The following MID1 variants were observed in gnomAD, a reference collection of about 807,000 sequenced individuals.
MID1 encodes the protein midline 1, also known as E3 ubiquitin-protein ligase Midline-1.
A neutral mutation model predicts 40.4 loss-of-function variants in MID1; 7 were observed. That is an observed-to-expected ratio of 0.17 (90% CI 0.10 to 0.33). MID1 has a LOEUF of 0.33. MID1 is among the 10% of genes least tolerant of loss of function. MID1 has a pLI of 1.00. For missense variants in MID1, 367 were observed against 558.5 expected (o/e 0.66, Z 3.46); for synonymous variants, 229 against 221.2 (o/e 1.04, Z -0.31).
At chrX:10,490,276 A>G (rs1457326229) in intron 4 of MID1, among the ~76,000 whole-genome samples, 2 of 112,117 alleles carry the variant, frequency 1.8e-5, no homozygotes, top group Non-Finnish European at 3.8e-5. Flanking sequence ...TAGATTTATC[A>G]CTAAGTATTT....
intron 2 of MID1, among the ~76,000 whole-genome samples, chrX:10,556,918 T>C (rs1192944660): frequency 8.9e-6 from 1 of 112,451 alleles, no homozygotes; most frequent in Non-Finnish European, 1.9e-5. Context: ...AGACTACTCA[T>C]GCCCACTTTA....
chrX:10,508,012 T>C (rs1040722461), intron 3 of MID1, among the ~76,000 whole-genome samples: 5 of 112,283 alleles, frequency 4.5e-5, no homozygotes, highest in African/African-American at 1.6e-4. Context: ...GAGGTCATTC[T>C]TGTTATTCCA....
At chrX:10,799,561 T>A (rs113143726) in intron 1 of MID1, among the ~76,000 whole-genome samples, 1,588 of 112,196 alleles carry the variant, frequency 0.014, 32 homozygotes, top group African/African-American at 0.049. Context: ...ATGTAATGAA[T>A]GCTGGGCTAA....
chrX:10,721,932 G>A (rs1211039003), intron 1 of MID1, among the ~76,000 whole-genome samples: 3 of 110,569 alleles, frequency 2.7e-5, no homozygotes, highest in African/African-American at 9.9e-5. Flanking sequence ...GAAAGAAGAA[G>A]ACGACCTTCT....
At chrX:10,730,809 C>T (rs1176678147) in intron 1 of MID1, among the ~76,000 whole-genome samples, 2 of 110,651 alleles carry the variant, frequency 1.8e-5, no homozygotes, top group African/African-American at 6.6e-5. Flanking sequence ...CTCCTGACCT[C>T]ATGATCCGCC....
chrX:10,506,603 G>C (rs1931855307), intron 3 of MID1: 1 of 486,071 alleles, frequency 2.1e-6, no homozygotes, highest in Non-Finnish European at 3.7e-6. Flanking sequence ...GGGAGGGGCA[G>C]AAAAAGTTCC....
intron 1 of MID1, among the ~76,000 whole-genome samples, chrX:10,832,176 C>T (rs973418967): frequency 9.8e-5 from 11 of 112,476 alleles, no homozygotes; most frequent in Non-Finnish European, 2.1e-4. Context: ...CGGTGCTTTT[C>T]TATGTTTCAT....
At chrX:10,708,062 T>G (rs1303237031) in intron 1 of MID1, among the ~76,000 whole-genome samples, 5 of 112,565 alleles carry the variant, frequency 4.4e-5, no homozygotes, top group Non-Finnish European at 9.4e-5. Flanking sequence ...ACCTTACTAT[T>G]GTATAAAGAG....
chrX:10,638,774 C>T (rs1213248635), intron 1 of MID1, among the ~76,000 whole-genome samples: 1 of 111,976 alleles, frequency 8.9e-6, no homozygotes, highest in Non-Finnish European at 1.9e-5. Context: ...CCAACTGACA[C>T]CTCATACAGC....
chrX:10,758,167 G>A (rs1336928091), intron 1 of MID1, among the ~76,000 whole-genome samples: 1 of 105,529 alleles, frequency 9.5e-6, no homozygotes, highest in Admixed American at 1.0e-4. Flanking sequence ...TAGAGATGGG[G>A]TTTTGCCATG....
intron 1 of MID1, among the ~76,000 whole-genome samples, chrX:10,590,213 G>T (rs765622682): frequency 6.3e-5 from 7 of 111,800 alleles, no homozygotes; most frequent in Non-Finnish European, 1.3e-4. Flanking sequence ...CTGGTTTCAG[G>T]TCTGGTTCCT....
intron 1 of MID1, among the ~76,000 whole-genome samples, chrX:10,741,205 T>C (rs781452168): frequency 8.9e-6 from 1 of 112,165 alleles, no homozygotes; most frequent in African/African-American, 3.2e-5. Context: ...AGATGAAGCA[T>C]TTCATGACAC....
At chrX:10,685,957 G>A (rs925092801) in intron 1 of MID1, among the ~76,000 whole-genome samples, 1 of 109,656 alleles carries the variant, frequency 9.1e-6, no homozygotes, top group East Asian at 2.9e-4. Context: ...GAAAGAAATA[G>A]GGTGGGATGC....
intron 1 of MID1, among the ~76,000 whole-genome samples, chrX:10,674,092 A>T (rs146059937): frequency 0.011 from 1,221 of 112,353 alleles, 7 homozygotes; most frequent in Non-Finnish European, 0.018. Flanking sequence ...AAGATTAAGG[A>T]TGCTGGAATG....
upstream of MID1, among the ~76,000 whole-genome samples, chrX:10,622,931 G>A (rs1477981368): frequency 4.5e-5 from 5 of 110,576 alleles, no homozygotes; most frequent in African/African-American, 1.7e-4. Flanking sequence ...TTCATTGAGT[G>A]AGGATTTGAT....
At chrX:10,724,682 T>C (rs1218675644) in intron 1 of MID1, among the ~76,000 whole-genome samples, 1 of 111,979 alleles carries the variant, frequency 8.9e-6, no homozygotes, top group Non-Finnish European at 1.9e-5. Flanking sequence ...TTTGGAAAAA[T>C]AGAAAGATAA....
At chrX:10,804,295 A>C (rs2044028857) in intron 1 of MID1, among the ~76,000 whole-genome samples, 1 of 112,358 alleles carries the variant, frequency 8.9e-6, no homozygotes, top group South Asian at 3.7e-4. Flanking sequence ...TGCTTGCTTT[A>C]TCTCTTCAGA....
At chrX:10,697,444 G>A (rs1318110054) in intron 1 of MID1, among the ~76,000 whole-genome samples, 5 of 111,500 alleles carry the variant, frequency 4.5e-5, no homozygotes, top group Non-Finnish European at 9.4e-5. Flanking sequence ...AATTGTCTCC[G>A]AATTAGCAGG....
At chrX:10,697,624 C>T (rs1348408747) in intron 1 of MID1, among the ~76,000 whole-genome samples, 2 of 111,240 alleles carry the variant, frequency 1.8e-5, no homozygotes, top group Admixed American at 9.6e-5. Context: ...AAGATTTTTA[C>T]GAATTGATTG....
Sources: allele counts gnomAD v4.1 joint callset (sites outside exome capture counted in the v4.1 genomes callset), GRCh38; gene constraint gnomAD v4.1.1; transcripts MANE v1.5; gene names NCBI Gene and HGNC (gene_info 2026-07-23, HGNC 2026-07-21).